The following USP34 variants were observed in gnomAD, a reference collection of about 807,000 sequenced individuals.
The protein encoded by USP34 is ubiquitin carboxyl-terminal hydrolase 34.
Under a neutral mutation model 460.3 loss-of-function variants are expected in USP34, and 70 were observed. That is an observed-to-expected ratio of 0.15 (90% confidence interval 0.13 to 0.19). The LOEUF (loss-of-function observed/expected upper bound fraction) is 0.19. Ranked by LOEUF, USP34 falls within the 10% of genes least tolerant of loss-of-function variation. The probability of loss-of-function intolerance (pLI) is 1.00; values close to 1 mark genes in which losing one functional copy is unlikely to be tolerated. For missense variants in USP34, 3,985 were observed against 4,236.2 expected, an observed-to-expected ratio of 0.94 and a Z score of 1.65; for synonymous variants, 1,647 against 1,405.3, an observed-to-expected ratio of 1.17 and a Z score of -3.85.
chr2:61,447,862 C>T (rs1257314474), intron 1 of USP34, among the ~76,000 whole-genome samples: 2 of 152,022 alleles, frequency 1.3e-5, no homozygotes, highest in South Asian at 2.1e-4. Flanking sequence ...ATTGCAGGTG[C>T]GCGCCACCAC....
chr2:61,356,336 A>G (rs745357268), intron 10 of USP34, among the ~76,000 whole-genome samples: 1 of 152,196 alleles, frequency 6.6e-6, no homozygotes, highest in Non-Finnish European at 1.5e-5. Context: ...AAAAAATACA[A>G]AACTTAGTCA....
Position 61,420,844 on chromosome 2 carries a change from A to G in USP34, c.44-11T>C. 1 of 1,596,628 alleles carries G rather than the reference A, an allele frequency of 6.3e-7. No homozygotes were observed. The highest frequency in any genetic ancestry group is 8.5e-7 in the Non-Finnish European group (1 of 1,171,088). On this transcript the variant is annotated splice_polypyrimidine_tract_variant and intron_variant, in intron 1 of 79. Coordinates refer to ENST00000398571, the MANE Select transcript of USP34 (RefSeq NM_014709.4). ...CTTCTACATCTGATACTGAAATAAAAAAGAAATTTTAAAATTATGAATAAT... is the reference window on the plus strand; with the variant it reads ...CTTCTACATCTGATACTGAAATAAAGAAGAAATTTTAAAATTATGAATAAT...
At chr2:61,191,698 G>A (rs1686648565) in intron 76 of USP34, among the ~76,000 whole-genome samples, 2 of 152,208 alleles carry the variant, frequency 1.3e-5, no homozygotes, top group African/African-American at 4.8e-5. Context: ...CAAGCGAAGG[G>A]AGTCCTGCGA....
At chr2:61,416,991 A>G in intron 2 of USP34, 1 of 1,319,688 alleles carries the variant, frequency 7.6e-7, no homozygotes, top group Non-Finnish European at 1.1e-6. Context: ...CTTCAAATTC[A>G]TCGGCATTGA....
intron 18 of USP34, among the ~76,000 whole-genome samples, chr2:61,336,986 G>A (rs7578139): frequency 0.36 from 55,380 of 151,854 alleles, 10,095 homozygotes; most frequent in African/African-American, 0.38. Context: ...CTTAATGGCT[G>A]CATGATATTT....
intron 49 of USP34, among the ~76,000 whole-genome samples, 155 bp from the exon 50 acceptor site, chr2:61,246,632 C>A (rs184732219): frequency 6.6e-6 from 1 of 152,204 alleles, no homozygotes; most frequent in Non-Finnish European, 1.5e-5. Flanking sequence ...CTTAGAATCA[C>A]TTTTATAATA....
intron 45 of USP34, 30 bp downstream of exon 45, chr2:61,257,174 A>G (rs768894177): frequency 1.9e-6 from 3 of 1,584,740 alleles, no homozygotes; most frequent in South Asian, 1.2e-5. Context: ...TTCAAATTTC[A>G]AAGAAACTTT....
chr2:61,279,066 C>T (rs542956482), intron 39 of USP34, among the ~76,000 whole-genome samples: 2 of 151,632 alleles, frequency 1.3e-5, no homozygotes, highest in South Asian at 2.1e-4. Flanking sequence ...AGATCAGATT[C>T]CTATTTTAGC....
intron 2 of USP34, among the ~76,000 whole-genome samples, chr2:61,412,189 C>CAAAAAAA (rs10581550): frequency 3.3e-5 from 3 of 92,120 alleles, no homozygotes; most frequent in African/African-American, 8.4e-5. Flanking sequence ...AACTCCATCT[C>CAAAAAAA]AAAAAAAAAA....
intron 22 of USP34, 27 bp from the exon 23 acceptor site, chr2:61,317,794 A>G: frequency 6.5e-7 from 1 of 1,549,318 alleles, no homozygotes; most frequent in Non-Finnish European, 8.9e-7. Context: ...GGAAACACAA[A>G]GCTAATTTAG....
At chr2:61,297,825 C>A (rs1260337543) in intron 29 of USP34, among the ~76,000 whole-genome samples, 1 of 152,184 alleles carries the variant, frequency 6.6e-6, no homozygotes, top group Non-Finnish European at 1.5e-5. Flanking sequence ...TCACTGCAAC[C>A]TCCGCCTCCC....
rs745679341 is a variant in USP34 at position 61,348,338 on chromosome 2, C to T, written c.1817G>A (p.Gly606Asp). ...AATGTCTTCTGACTGTACCTCACTG[C>T]CAGGGCTCCCAGCTGACTGGCTTGC... ...SHASQSAGSP[G>D]SEVQSEDIAD... The change falls in exon 15 of 80, where the codon GGC becomes GAC. Residue 606 changes from glycine (G) to aspartate (D), a missense_variant. Physicochemically the swap from Gly to Asp is moderately conservative, Grantham distance 94 (BLOSUM62 -1). Coordinates refer to ENST00000398571, the MANE Select transcript of USP34 (RefSeq NM_014709.4). 2 of 1,614,148 alleles carry T rather than the reference C, an allele frequency of 1.2e-6. No individual in the cohort carries two copies. Among genetic ancestry groups the T allele is most frequent in the South Asian group, 2.2e-5 (2 of 91,074 alleles).
At chr2:61,238,137 C>T (rs1241615351) in intron 53 of USP34, among the ~76,000 whole-genome samples, 1 of 151,966 alleles carries the variant, frequency 6.6e-6, no homozygotes, top group Non-Finnish European at 1.5e-5. Flanking sequence ...CTCAAGTGAT[C>T]CACCTGCCTC....
In USP34 at chr2:61,380,375, G is replaced by A. The variant is rs988911; in HGVS notation, c.822-14C>T. The stretch of plus-strand genomic sequence containing the variant: ...TTGCATAAATACCTGAAATGATTCA[G>A]AAATAGAAAATACACAAAAATTCAT... On this transcript the variant is annotated splice_polypyrimidine_tract_variant and intron_variant, in intron 6 of 79. Coordinates refer to ENST00000398571, the MANE Select transcript of USP34 (RefSeq NM_014709.4). The A allele has an allele frequency of 0.15, 244,629 of 1,584,656 alleles. 23,251 individuals are homozygous for A. Among genetic ancestry groups the A allele is most frequent in the South Asian group, 0.35 (30,577 of 87,916 alleles).
chr2:61,395,138 A>G (rs1207614896), intron 4 of USP34, 45 bp downstream of exon 4: 12 of 1,480,876 alleles, frequency 8.1e-6, no homozygotes, highest in African/African-American at 2.9e-5. Context: ...GCTTTGTTAA[A>G]AAAATAAAAT....
rs1050907371 is a variant in USP34, at chr2:61,288,551, T to C, written c.4749+126A>G. The C allele has an allele frequency of 1.3e-5, 12 of 925,942 alleles. No individual in the cohort carries two copies. In the African/African-American group the frequency reaches 1.8e-4, roughly 14 times the overall value. 57.4% of individuals were successfully genotyped at this position (925,942 alleles called of 1,614,324 possible). ...CATAATCACTACTGCTTTAAAACAA[T>C]GCCGTCAGTTCAGCTGTCAGGTTAA... On this transcript the variant is annotated intron_variant, in intron 34 of 79. Transcript: ENST00000398571.
chr2:61,404,711 C>A (rs1047335640), intron 3 of USP34, among the ~76,000 whole-genome samples: 3 of 152,174 alleles, frequency 2.0e-5, no homozygotes. Context: ...ACCTGCATAA[C>A]TCAGCCTACA....
intron 16 of USP34, among the ~76,000 whole-genome samples, chr2:61,342,290 C>T (rs1419818472): frequency 1.6e-5 from 2 of 124,430 alleles, no homozygotes; most frequent in Admixed American, 1.8e-4. Context: ...ACTTACTGGC[C>T]GTTTCCTTTT....
intron 53 of USP34, among the ~76,000 whole-genome samples, chr2:61,240,252 C>T (rs552396691): frequency 2.0e-4 from 28 of 142,728 alleles, no homozygotes; most frequent in African/African-American, 7.4e-4. Flanking sequence ...AATGAAGCCT[C>T]ATAACTACAA....
Sources: allele counts gnomAD v4.1 joint callset (sites outside exome capture counted in the v4.1 genomes callset), GRCh38; gene constraint gnomAD v4.1.1; transcripts MANE v1.5; gene names NCBI Gene and HGNC (gene_info 2026-07-23, HGNC 2026-07-21).